Variants in DMD observed in about 807,000 individuals in gnomAD.
The protein encoded by DMD is dystrophin.
Under a neutral mutation model 330.1 loss-of-function variants are expected in DMD, and 63 were observed. The observed-to-expected ratio is 0.19, with a 90% confidence interval of 0.16 to 0.24. DMD has a LOEUF of 0.24. Ranked by LOEUF, DMD falls within the 10% of genes least tolerant of loss-of-function variation. The pLI, the probability that DMD is intolerant of heterozygous loss-of-function variation, is 1.00. For synonymous variants in DMD, 1,223 were observed against 959.8 expected (o/e 1.27, Z -5.07); for missense variants, 3,344 against 2,684.1 (o/e 1.25, Z -5.43).
chrX:33,028,777 G>C (rs1381940849), intron 1 of DMD, among the ~76,000 whole-genome samples: 1 of 109,054 alleles, frequency 9.2e-6, no homozygotes, highest in African/African-American at 3.4e-5. Context: ...TACTTTAACT[G>C]TATGTGTATG....
chrX:31,869,739 A>G (rs140097304), intron 48 of DMD, among the ~76,000 whole-genome samples: 1,380 of 110,418 alleles, frequency 0.012, 24 homozygotes, highest in African/African-American at 0.04. Flanking sequence ...TTATGTATAG[A>G]CAACTTTCAT....
chrX:32,645,209 G>A, intron 9 of DMD, 57 bp from the exon 10 acceptor site: 3 of 1,128,723 alleles, frequency 2.7e-6, no homozygotes, highest in Non-Finnish European at 3.6e-6. Flanking sequence ...GATTGTTCCA[G>A]TACATTAAAT....
At chrX:32,528,431 G>A (rs763445871) in intron 17 of DMD, among the ~76,000 whole-genome samples, 3 of 111,643 alleles carry the variant, frequency 2.7e-5, no homozygotes, top group African/African-American at 6.5e-5. Flanking sequence ...GATCTTCAGC[G>A]ACTTCTTGCT....
intron 34 of DMD, among the ~76,000 whole-genome samples, chrX:32,379,320 A>C (rs1377292941): frequency 9.0e-6 from 1 of 110,535 alleles, no homozygotes; most frequent in East Asian, 2.8e-4. Context: ...CAAGCCTTCT[A>C]TATGAGAAGG....
chrX:31,956,843 G>A (rs1212069200), intron 45 of DMD, among the ~76,000 whole-genome samples: 1 of 112,360 alleles, frequency 8.9e-6, no homozygotes, highest in East Asian at 2.8e-4. Flanking sequence ...AACTTTGGTT[G>A]CCCAGAATCT....
intron 2 of DMD, among the ~76,000 whole-genome samples, chrX:32,881,730 C>T (rs1273750463): frequency 1.8e-5 from 2 of 112,218 alleles, no homozygotes; most frequent in Admixed American, 9.4e-5. Flanking sequence ...TAATTATTTT[C>T]CATATATCTT....
At chrX:32,738,099 G>A in intron 7 of DMD, among the ~76,000 whole-genome samples, 1 of 111,421 alleles carries the variant, frequency 9.0e-6, no homozygotes, top group Non-Finnish European at 1.9e-5. Flanking sequence ...TGAAATATGG[G>A]CAAAACTGAT....
At chrX:32,909,402 C>G (rs1439182001) in intron 2 of DMD, among the ~76,000 whole-genome samples, 3 of 111,682 alleles carry the variant, frequency 2.7e-5, no homozygotes, top group Non-Finnish European at 5.6e-5. Context: ...AGTTCACAAT[C>G]TAGATAGTAT....
intron 43 of DMD, among the ~76,000 whole-genome samples, chrX:32,231,322 T>C (rs2097168465): frequency 8.9e-6 from 1 of 112,295 alleles, no homozygotes. Flanking sequence ...CCCAAAAGTA[T>C]GGTGAGAATA....
At chrX:32,595,431 T>C (rs1051068503) in intron 13 of DMD, among the ~76,000 whole-genome samples, 1 of 111,763 alleles carries the variant, frequency 8.9e-6, no homozygotes, top group African/African-American at 3.2e-5. Context: ...ATGGAAATAC[T>C]CCATGCCTTA....
At chrX:32,335,500 T>TTA (rs1271652802) in intron 41 of DMD, among the ~76,000 whole-genome samples, 5 of 70,941 alleles carry the variant, frequency 7.0e-5, no homozygotes, top group Admixed American at 6.3e-4. Flanking sequence ...TATATACATG[T>TTA]TATATATATA....
chrX:31,677,228 A>C (rs2082132766), intron 53 of DMD, among the ~76,000 whole-genome samples: 1 of 111,384 alleles, frequency 9.0e-6, no homozygotes, highest in African/African-American at 3.3e-5. Context: ...CTCTTATTTA[A>C]AGCTACTTGC....
chrX:32,427,509 T>C (rs1404644821), intron 29 of DMD, among the ~76,000 whole-genome samples: 1 of 111,350 alleles, frequency 9.0e-6, no homozygotes, highest in African/African-American at 3.3e-5. Flanking sequence ...CACTGTTTCA[T>C]ACACACTTGG....
At chrX:32,526,268 C>T (rs1235647055) in intron 17 of DMD, among the ~76,000 whole-genome samples, 1 of 111,744 alleles carries the variant, frequency 8.9e-6, no homozygotes, top group Non-Finnish European at 1.9e-5. Flanking sequence ...AATATTCTGT[C>T]CTCTATTCTT....
Position 32,472,205 on chromosome X carries a change from T to C in DMD, c.2908A>G (p.Thr970Ala). Residue 970 changes from threonine to alanine, a missense_variant, in exon 22 of 79, where the codon ACC becomes GCC. Transcript: ENST00000357033. ...TKLSIPQLSV[T>A]DYEIMEQRLG... ...CTCTGCTCCATGATTTCATAGTCGG[T>C]GACACTAAGTTGAGGTATGGAGAGT... 1 of 1,211,331 alleles carries C rather than the reference T, an allele frequency of 8.3e-7. No individual in the cohort carries two copies. The highest frequency in any genetic ancestry group is 3.0e-5 in the East Asian group (1 of 33,822).
At position 32,870,980 on chromosome X, in the gene DMD, A is replaced by G. The variant is rs371927315; in HGVS notation, c.94-21160T>C. On this transcript the variant is annotated intron_variant, in intron 2 of 78. Coordinates refer to ENST00000357033, the MANE Select transcript of DMD (RefSeq NM_004006.3). ...CAGCAAAAAAAAAAAAAAAAAAAAAAAAAAAAAACCACAAAACCCATCATC... is the reference window on the plus strand; with the variant it reads ...CAGCAAAAAAAAAAAAAAAAAAAAAGAAAAAAAACCACAAAACCCATCATC... Among the ~76,000 whole-genome samples the G allele has an allele frequency of 1.5e-3, 56 of 37,242 alleles. 2 individuals are homozygous for G. Among genetic ancestry groups the G allele is most frequent in the Non-Finnish European group, 2.1e-3 (39 of 18,745 alleles). 32.3% of individuals were successfully genotyped at this position (37,242 alleles called of 115,157 possible).
chrX:33,299,157 AT>A (rs1301218785), intron 1 of DMD, among the ~76,000 whole-genome samples: 5 of 110,702 alleles, frequency 4.5e-5, no homozygotes, highest in South Asian at 3.8e-4. Flanking sequence ...TTTTATTCTA[AT>A]TTTTTTTTCC....
At chrX:32,938,834 G>A (rs1041122940) in intron 2 of DMD, among the ~76,000 whole-genome samples, 1 of 110,930 alleles carries the variant, frequency 9.0e-6, no homozygotes, top group Non-Finnish European at 1.9e-5. Flanking sequence ...TTGATACTAA[G>A]AGCAATAAAT....
At chrX:32,510,748 G>A (rs958710928) in intron 18 of DMD, among the ~76,000 whole-genome samples, 1 of 111,661 alleles carries the variant, frequency 9.0e-6, no homozygotes, top group African/African-American at 3.3e-5. Flanking sequence ...GACAGGTGCT[G>A]CAAGCTCAGT....
Sources: gnomAD v4.1 joint callset for allele counts (sites outside exome capture counted in the v4.1 genomes callset) on GRCh38, gnomAD v4.1.1 for gene constraint, MANE v1.5 for transcripts, NCBI Gene and HGNC (gene_info 2026-07-23, HGNC 2026-07-21) for gene names.